The following KCTD10 variants were observed in gnomAD, a reference collection of about 807,000 sequenced individuals.
KCTD10 encodes potassium channel tetramerization domain containing 10, also known as BTB/POZ domain-containing adapter for CUL3-mediated RhoA degradation protein 3.
In KCTD10, 13 loss-of-function variants were observed where a neutral mutation model predicts 34.6. The observed-to-expected ratio is 0.38, with a 90% confidence interval of 0.24 to 0.60. KCTD10 has a LOEUF of 0.60. Among genes scored for constraint, KCTD10 ranks in the 20% least tolerant of loss-of-function variants. The pLI, the probability that KCTD10 is intolerant of heterozygous loss-of-function variation, is 0.66. For synonymous variants in KCTD10, 156 were observed against 168.8 expected (o/e 0.92, Z 0.59); for missense variants, 256 against 420.3 (o/e 0.61, Z 3.42).
At chr12:109,452,778 T>C (rs942194509) in intron 6 of KCTD10, among the ~76,000 whole-genome samples, 3 of 151,566 alleles carry the variant, frequency 2.0e-5, no homozygotes, top group African/African-American at 7.3e-5. Flanking sequence ...AGAAGGTCTC[T>C]AGTGGCCAGG....
Position 109,450,551 on chromosome 12 carries a change from C to A in KCTD10, c.*1044G>T. 1 of 395,494 alleles carries A rather than the reference C, an allele frequency of 2.5e-6. No homozygotes were observed. Among genetic ancestry groups the A allele is most frequent in the East Asian group, 3.6e-5 (1 of 27,946 alleles). The allele number at this position is 395,494 out of a possible 1,614,324, so 24.5% of individuals were successfully genotyped here. On this transcript the variant is annotated 3_prime_UTR_variant, in exon 7 of 7. Transcript: ENST00000228495. Reference sequence around the variant, plus strand: ...GGGGTCTGTGTTTATAGCAGGGAAGCTCCCTGGGGCTGGTGGTGTGAGGGT... The same window carrying A: ...GGGGTCTGTGTTTATAGCAGGGAAGATCCCTGGGGCTGGTGGTGTGAGGGT...
At chr12:109,459,279 C>G (rs1018621912) in intron 3 of KCTD10, 3 of 152,026 alleles carry the variant, frequency 2.0e-5, no homozygotes, top group Non-Finnish European at 2.9e-5. Context: ...AAGGATAAAG[C>G]CAGAGACACT....
chr12:109,462,272 C>T (rs68032303), intron 2 of KCTD10, among the ~76,000 whole-genome samples: 8,123 of 152,296 alleles, frequency 0.053, 300 homozygotes, highest in Non-Finnish European at 0.082. Flanking sequence ...GATGAAACAG[C>T]TCAGCCTAAA....
chr12:109,465,338 A>G (rs1421835020), intron 2 of KCTD10, among the ~76,000 whole-genome samples: 1 of 152,238 alleles, frequency 6.6e-6, no homozygotes, highest in African/African-American at 2.4e-5. Context: ...CACCATTTAC[A>G]TCACGTTTAA....
Position 109,460,945 on chromosome 12 carries a change from T to A in KCTD10, c.218-140A>T. The stretch of plus-strand genomic sequence containing the variant: ...CTGGAGAATGGCAGCCTCACCTGCC[T>A]ACCTGCCCACTAAGGGCTGAGGAAG... On this transcript the variant is annotated intron_variant, in intron 2 of 6. Transcript: ENST00000228495. This position sits in a 1 kb window ranked among gnomAD's most constrained non-coding sequence, Gnocchi z 4.5. The A allele has an allele frequency of 1.3e-6, 1 of 799,730 alleles. No homozygotes were observed. The highest frequency in any genetic ancestry group is 1.9e-6 in the Non-Finnish European group (1 of 514,390). The allele number at this position is 799,730 out of a possible 1,614,324, so 49.5% of individuals were successfully genotyped here.
intron 6 of KCTD10, among the ~76,000 whole-genome samples, chr12:109,454,441 G>C (rs1321102750): frequency 6.6e-6 from 1 of 152,150 alleles, no homozygotes; most frequent in East Asian, 1.9e-4. Flanking sequence ...AGAGGAGAGT[G>C]ATATGGGCTG....
chr12:109,472,142 C>T (rs1873920827), intron 1 of KCTD10, among the ~76,000 whole-genome samples: 1 of 152,176 alleles, frequency 6.6e-6, no homozygotes, highest in South Asian at 2.1e-4. Flanking sequence ...TTAACCTTTG[C>T]TTACTGTAAC....
intron 5 of KCTD10, 81 bp from the exon 6 acceptor site, chr12:109,456,394 C>G (rs1175204278): frequency 1.7e-5 from 21 of 1,237,342 alleles, no homozygotes; most frequent in Non-Finnish European, 2.4e-5. Context: ...ACGCAGGGCC[C>G]TACTGAGCCC....
chr12:109,469,252 A>G, intron 2 of KCTD10: 1 of 485,942 alleles, frequency 2.1e-6, no homozygotes, highest in Admixed American at 3.6e-5. Flanking sequence ...GGGTCCAGGG[A>G]AGATACCTCT....
Position 109,464,900 on chromosome 12 carries a change from G to A in KCTD10, c.218-4095C>T, listed in dbSNP as rs952679396. The A allele has an allele frequency of 6.6e-6, 3 of 454,260 alleles. No homozygotes were observed. In the Admixed American group the frequency reaches 7.1e-5, roughly 11 times the overall value. 28.1% of individuals were successfully genotyped at this position (454,260 alleles called of 1,614,324 possible). On this transcript the variant is annotated intron_variant, in intron 2 of 6. Coordinates refer to ENST00000228495, the MANE Select transcript of KCTD10 (RefSeq NM_031954.5). ...AGGGACTCCTGCAATATCTAAGGAA[G>A]TAGAAGATGCTGTCCCAATTCCCCT...
intron 2 of KCTD10, among the ~76,000 whole-genome samples, chr12:109,461,440 G>A (rs775157580): frequency 7.9e-5 from 12 of 152,194 alleles, no homozygotes; most frequent in Non-Finnish European, 1.5e-4. Context: ...AACATGGGGA[G>A]ACAGAATCAG....
At chr12:109,470,576 A>T (rs1873836020) in intron 1 of KCTD10, 1 of 985,318 alleles carries the variant, frequency 1.0e-6, no homozygotes, top group Admixed American at 6.1e-5. Flanking sequence ...GAGATGTGCA[A>T]GGGTGGGCAG....
rs1872796472 is a variant in KCTD10, at chr12:109,451,975, A to C, written c.724-162T>G. On this transcript the variant is annotated intron_variant, in intron 6 of 6. Transcript: ENST00000228495. This position sits in a 1 kb window ranked among gnomAD's most constrained non-coding sequence, Gnocchi z 5.0. ...ACTGATATTTTCAATGGCAACACTT[A>C]CATGTGGTGCTAAATGCACAGAAAA... Among the ~76,000 whole-genome samples, 1 of 152,248 alleles carries C rather than the reference A, an allele frequency of 6.6e-6. No individual in the cohort carries two copies. Among genetic ancestry groups the C allele is most frequent in the African/African-American group, 2.4e-5 (1 of 41,468 alleles).
chr12:109,474,718 GC>G (rs1874065697), intron 1 of KCTD10, among the ~76,000 whole-genome samples: 1 of 152,122 alleles, frequency 6.6e-6, no homozygotes, highest in South Asian at 2.1e-4. Context: ...ACCAAAGCCA[GC>G]CCCCACTTCA....
chr12:109,457,942 CCAT>C, intron 4 of KCTD10, 47 bp downstream of exon 4: 8 of 1,424,316 alleles, frequency 5.6e-6, no homozygotes, highest in Non-Finnish European at 7.9e-6. Context: ...AGAAGAACCT[CCAT>C]CATTTCTGGT....
At chr12:109,455,082 T>C (rs1872951526) in intron 6 of KCTD10, among the ~76,000 whole-genome samples, 1 of 151,264 alleles carries the variant, frequency 6.6e-6, no homozygotes, top group Admixed American at 6.6e-5. Flanking sequence ...GGGCATGATG[T>C]CTTGCCAATG....
intron 1 of KCTD10, among the ~76,000 whole-genome samples, chr12:109,472,993 C>T (rs55990265): frequency 0.055 from 8,354 of 151,974 alleles, 292 homozygotes; most frequent in East Asian, 0.093. Flanking sequence ...TCCAGAAAGC[C>T]CCTCGGTGTC....
intron 2 of KCTD10, among the ~76,000 whole-genome samples, chr12:109,464,161 TTATACTC>T (rs1271629371): frequency 1.3e-5 from 2 of 152,190 alleles, no homozygotes; most frequent in East Asian, 1.9e-4. Context: ...CCTAAGGTAT[TTATACTC>T]TATATTTTTG....
rs1566048872 is a variant in KCTD10 at position 109,449,719 on chromosome 12, C to CCG, written c.*1874_*1875dup. The CCG allele has an allele frequency of 6.6e-6, 1 of 152,076 alleles. No individual in the cohort carries two copies. The highest frequency in any genetic ancestry group is 1.5e-5 in the Non-Finnish European group (1 of 68,000). 9.4% of individuals were successfully genotyped at this position (152,076 alleles called of 1,614,324 possible). On this transcript the variant is annotated 3_prime_UTR_variant, in exon 7 of 7. Transcript: ENST00000228495. Reference sequence around the variant, plus strand: ...CCAGCCTGGCCAATAGAGCAAGACTCCGCCTCAAAAAAAAATTTATACAAT... The same window carrying CCG: ...CCAGCCTGGCCAATAGAGCAAGACTCCGCGCCTCAAAAAAAAATTTATACAAT...
Sources: allele counts gnomAD v4.1 joint callset (sites outside exome capture counted in the v4.1 genomes callset), GRCh38; gene constraint gnomAD v4.1.1; non-coding constraint Gnocchi (gnomAD v3.1); transcripts MANE v1.5; gene names NCBI Gene and HGNC (gene_info 2026-07-23, HGNC 2026-07-21).